Variants in SIGLEC12 observed in about 807,000 individuals in gnomAD.
SIGLEC12 encodes the protein sialic acid binding Ig like lectin 12.
Under a neutral mutation model 54.1 loss-of-function variants are expected in SIGLEC12, and 43 were observed. The ratio of observed to expected loss-of-function variants is 0.80; its 90% CI spans 0.62 to 1.03. SIGLEC12 has a LOEUF of 1.03. Ranked by LOEUF, SIGLEC12 falls within the 50% of genes least tolerant of loss-of-function variation. The pLI is 0.00. For missense variants in SIGLEC12, 802 were observed against 735.2 expected (o/e 1.09, Z -1.05); for synonymous variants, 357 against 307.6 (o/e 1.16, Z -1.68).
chr19:51,496,193 G>C (rs1990236057), intron 7 of SIGLEC12, among the ~76,000 whole-genome samples: 1 of 152,222 alleles, frequency 6.6e-6, no homozygotes, highest in Non-Finnish European at 1.5e-5. Flanking sequence ...GGAAAGCCTG[G>C]GCGCGGTGGC....
rs16982733 is a variant in SIGLEC12 at position 51,491,559 on chromosome 19, G to T, written c.*82C>A. The T allele has an allele frequency of 0.22, 308,046 of 1,382,846 alleles. 36,087 individuals are homozygous for T. Among genetic ancestry groups the T allele is most frequent in the African/African-American group, 0.32 (22,535 of 69,804 alleles). 85.7% of individuals were successfully genotyped at this position (1,382,846 alleles called of 1,614,324 possible). On this transcript the variant is annotated 3_prime_UTR_variant, in exon 8 of 8. Transcript: ENST00000291707. ...GTCCTGTTGCACAGCATGGAGGGCT[G>T]TTAATTCTAAAGGAATCAGTCTCGG... is the stretch of plus-strand genomic sequence containing the variant.
intron 3 of SIGLEC12, 51 bp from the exon 4 acceptor site, chr19:51,499,268 G>A (rs1990325080): frequency 2.5e-6 from 4 of 1,603,838 alleles, no homozygotes; most frequent in African/African-American, 2.7e-5. Flanking sequence ...TGGGGACACT[G>A]ACCCTGTCTC....
Position 51,500,104 on chromosome 19 carries a change from T to C in SIGLEC12, c.624A>G (p.Pro208=). 1 of 1,614,096 alleles carries C rather than the reference T, an allele frequency of 6.2e-7. No homozygotes were observed. Among genetic ancestry groups the C allele is most frequent in the Non-Finnish European group, 8.5e-7 (1 of 1,179,986 alleles). ...PWDIPVATNT[P]SGKVQEDTHG... is the part of the protein sequence containing the mutation. ...GGGTATCCTCTTGCACTTTTCCACT[T>C]GGGGTGTTTGTGGCCACTGGAATAT... Residue 208 remains proline, a synonymous_variant, in exon 2 of 8, where the codon CCA becomes CCG. Transcript: ENST00000291707.
rs1351111852 is a variant in SIGLEC12 at position 51,499,601 on chromosome 19, G to C, written c.924C>G (p.Thr308=). 4 of 1,613,060 alleles carry C rather than the reference G, an allele frequency of 2.5e-6. No individual in the cohort carries two copies. In the East Asian group the frequency reaches 6.7e-5, roughly 27 times the overall value. ...ACEQGTPPTI[T]WMGASVSSLD... is the part of the protein sequence containing the mutation. ...GGGAGGACACGGAGGCCCCCATCCA[G>C]GTGATCGTGGGGGGCGTCCCCTGTT... The change falls in exon 3 of 8, where the codon ACC becomes ACG. Residue 308 remains threonine, a synonymous_variant. Coordinates refer to ENST00000291707, the MANE Select transcript of SIGLEC12 (RefSeq NM_053003.4).
chr19:51,498,773 C>G (rs1990310849), intron 4 of SIGLEC12, among the ~76,000 whole-genome samples: 2 of 152,208 alleles, frequency 1.3e-5, no homozygotes, highest in African/African-American at 2.4e-5. Context: ...TGGACAGACC[C>G]TGGTCGATTC....
rs1488502272 is a variant in SIGLEC12, at chr19:51,499,545, A to G, written c.980T>C (p.Leu327Pro). The change falls in exon 3 of 8, where the codon CTC becomes CCC. Residue 327 changes from leucine to proline, a missense_variant. Leu to Pro is a moderately conservative substitution (Grantham distance 98). Coordinates refer to ENST00000291707, the MANE Select transcript of SIGLEC12 (RefSeq NM_053003.4). ...LDPTITRSSM[L>P]SLIPQPQDHG... is the part of the protein sequence containing the mutation. Reference sequence around the variant, plus strand: ...GTCCTGGGGCTGTGGGATGAGGCTGAGCATCGAGGAGCGAGTGATAGTGGG... The same window carrying G: ...GTCCTGGGGCTGTGGGATGAGGCTGGGCATCGAGGAGCGAGTGATAGTGGG... 1.9e-6 allele frequency: 3 copies of G among 1,610,818 alleles called. No individual in the cohort carries two copies. The highest frequency in any genetic ancestry group is 1.7e-6 in the Non-Finnish European group (2 of 1,178,540).
Position 51,499,633 on chromosome 19 carries a change from C to T in SIGLEC12, c.892G>A (p.Ala298Thr), listed in dbSNP as rs200014559. 6 of 1,613,926 alleles carry T rather than the reference C, an allele frequency of 3.7e-6. No individual in the cohort carries two copies. In the African/African-American group the frequency reaches 5.3e-5, roughly 14 times the overall value. Residue 298 changes from alanine (A) to threonine (T), a missense_variant, in exon 3 of 8, where the codon GCC becomes ACC. Transcript: ENST00000291707. The part of the protein sequence containing the change: ...PRNLTCSVPW[A>T]CEQGTPPTIT... The stretch of plus-strand genomic sequence containing the variant: ...GTGGGGGGCGTCCCCTGTTCACAGG[C>T]CCAGGGCACAGAGCAGGTCAGGTTC...
At chr19:51,496,722 G>C (rs998581028) in intron 7 of SIGLEC12, among the ~76,000 whole-genome samples, 158 bp downstream of exon 7, 1 of 152,164 alleles carries the variant, frequency 6.6e-6, no homozygotes, top group African/African-American at 2.4e-5. Flanking sequence ...GGATGGGATG[G>C]GGAGGGCAAT....
chr19:51,491,848 G>A lies in SIGLEC12; in HGVS notation c.1600-19C>T, dbSNP rs778837122. 23 of 1,537,766 alleles carry A rather than the reference G, an allele frequency of 1.5e-5. No individual in the cohort carries two copies. The highest frequency in any genetic ancestry group is 1.9e-5 in the Non-Finnish European group (22 of 1,146,966). ...GGGGTCCCTGAATGGAGGAAGAGAAGGGAGTCAGTGCAGAGCAGTGGGGCC... is the reference window on the plus strand; with the variant it reads ...GGGGTCCCTGAATGGAGGAAGAGAAAGGAGTCAGTGCAGAGCAGTGGGGCC... On this transcript the variant is annotated intron_variant, in intron 7 of 7. Coordinates refer to ENST00000291707, the MANE Select transcript of SIGLEC12 (RefSeq NM_053003.4).
At chr19:51,499,033 G>T in intron 4 of SIGLEC12, 137 bp downstream of exon 4, 1 of 785,428 alleles carries the variant, frequency 1.3e-6, no homozygotes, top group South Asian at 1.6e-5. Flanking sequence ...TGCTCAGGTG[G>T]CCAAAAGGCT....
At position 51,496,298 on chromosome 19, in the gene SIGLEC12, G is replaced by A. The variant is rs571349351; in HGVS notation, c.1599+582C>T. Among the ~76,000 whole-genome samples, 8 of 152,108 alleles carry A rather than the reference G, an allele frequency of 5.3e-5. No homozygotes were observed. The East Asian group carries it at 5.8e-4, about 11-fold the overall frequency. ...AGCCTGACCAACATGGAGAAACTCC[G>A]TCTCTACTAAAAATACAAAATTAGC... On this transcript the variant is annotated intron_variant, in intron 7 of 7. Coordinates refer to ENST00000291707, the MANE Select transcript of SIGLEC12 (RefSeq NM_053003.4).
At chr19:51,498,341 G>A (rs1440671901) in intron 4 of SIGLEC12, 54 bp from the exon 5 acceptor site, 2 of 1,471,784 alleles carry the variant, frequency 1.4e-6, no homozygotes, top group Non-Finnish European at 9.2e-7. Flanking sequence ...GAGGCAGGGA[G>A]GAAGGATACA....
chr19:51,499,882 G>C, intron 2 of SIGLEC12, 38 bp downstream of exon 2: 1 of 1,576,076 alleles, frequency 6.3e-7, no homozygotes, highest in East Asian at 2.2e-5. Flanking sequence ...CGGCCCTCGG[G>C]CCTTCCCCTC....
chr19:51,500,147 C>G lies in SIGLEC12; in HGVS notation c.581G>C (p.Gly194Ala). 6.2e-7 allele frequency: 1 copy of G among 1,614,132 alleles called. No individual in the cohort carries two copies. The highest frequency in any genetic ancestry group is 2.2e-5 in the East Asian group (1 of 44,856). ...SPVYGSWFKE[G>A]ADIPWDIPVA... ...TGGAATATCCCATGGTATATCGGCC[C>G]CTTCCTTGAACCAGGATCCATAAAC... The change falls in exon 2 of 8, where the codon GGG becomes GCG. Residue 194 changes from glycine (G) to alanine (A), a missense_variant. By Grantham distance (60) the Gly-to-Ala change is moderately conservative. Coordinates refer to ENST00000291707, the MANE Select transcript of SIGLEC12 (RefSeq NM_053003.4).
chr19:51,495,253 G>A (rs528840671), intron 7 of SIGLEC12, among the ~76,000 whole-genome samples: 4,951 of 72,608 alleles, frequency 0.068, 376 homozygotes, highest in Middle Eastern at 0.15. Flanking sequence ...GGATGGACGG[G>A]TGGGTGGGTG....
In SIGLEC12 at chr19:51,499,514, G is replaced by T. The variant is rs752477645; in HGVS notation, c.1011C>A (p.Gly337=). ...LSLIPQPQDH[G]TSLTCQVTLP... ...AGGTCACCTGACAGGTGAGGCTGGTGCCATGGTCCTGGGGCTGTGGGATGA... is the reference window on the plus strand; with the variant it reads ...AGGTCACCTGACAGGTGAGGCTGGTTCCATGGTCCTGGGGCTGTGGGATGA... The change falls in exon 3 of 8, where the codon GGC becomes GGA. Residue 337 remains glycine, a synonymous_variant. Coordinates refer to ENST00000291707, the MANE Select transcript of SIGLEC12 (RefSeq NM_053003.4). 7 of 1,610,190 alleles carry T rather than the reference G, an allele frequency of 4.3e-6. No individual in the cohort carries two copies. The highest frequency in any genetic ancestry group is 5.9e-6 in the Non-Finnish European group (7 of 1,178,214).
At chr19:51,498,423 A>G (rs1160761865) in intron 4 of SIGLEC12, 136 bp from the exon 5 acceptor site, 2 of 702,708 alleles carry the variant, frequency 2.8e-6, no homozygotes, top group African/African-American at 1.8e-5. Flanking sequence ...TTCACTGCTC[A>G]CTGTTGGGGA....
At chr19:51,499,244 A>T in intron 3 of SIGLEC12, 27 bp from the exon 4 acceptor site, 1 of 1,613,190 alleles carries the variant, frequency 6.2e-7, no homozygotes, top group Non-Finnish European at 8.5e-7. Flanking sequence ...CGGAGTTCCC[A>T]TCACTTTGAG....
chr19:51,496,205 C>T lies in SIGLEC12; in HGVS notation c.1599+675G>A, dbSNP rs142927298. ...CATGGAAAGCCTGGGCGCGGTGGCT[C>T]ACGCCTATAATCCCAGCACTTTGGG... On this transcript the variant is annotated intron_variant, in intron 7 of 7. Transcript: ENST00000291707. Among the ~76,000 whole-genome samples, 19 of 152,322 alleles carry T rather than the reference C, an allele frequency of 1.2e-4. No individual in the cohort carries two copies. The East Asian group carries it at 3.5e-3, about 28-fold the overall frequency.
Sources: gnomAD v4.1 joint callset for allele counts (sites outside exome capture counted in the v4.1 genomes callset) on GRCh38, gnomAD v4.1.1 for gene constraint, MANE v1.5 for transcripts, NCBI Gene and HGNC (gene_info 2026-07-23, HGNC 2026-07-21) for gene names.